The following LDLRAD4 variants were observed in gnomAD, a reference collection of about 807,000 sequenced individuals.
LDLRAD4 encodes low density lipoprotein receptor class A domain containing 4.
LDLRAD4 carries 5 observed loss-of-function variants against 17.0 expected under a neutral mutation model. The ratio of observed to expected loss-of-function variants is 0.29; its 90% CI spans 0.15 to 0.62. The LOEUF (loss-of-function observed/expected upper bound fraction) is 0.62, where lower values mean the gene tolerates loss of function less well. Among genes scored for constraint, LDLRAD4 ranks in the 20% least tolerant of loss-of-function variants. LDLRAD4 has a pLI of 0.84. For synonymous variants in LDLRAD4, 168 were observed against 171.8 expected (o/e 0.98, Z 0.17); for missense variants, 340 against 424.7 (o/e 0.80, Z 1.75).
At chr18:13,271,893 CTTTTTT>C (rs753254188) in intron 1 of LDLRAD4, among the ~76,000 whole-genome samples, 10 of 79,020 alleles carry the variant, frequency 1.3e-4, no homozygotes, top group African/African-American at 4.8e-4. Flanking sequence ...CTGTTCAGTG[CTTTTTT>C]TTTTTTTTTT....
At chr18:13,463,535 T>C (rs1490292049) in intron 3 of LDLRAD4, among the ~76,000 whole-genome samples, 1 of 152,266 alleles carries the variant, frequency 6.6e-6, no homozygotes, top group Non-Finnish European at 1.5e-5. Context: ...TCCCAAATTG[T>C]CATTTTTTTG....
intron 2 of LDLRAD4, chr18:13,419,949 G>A (rs7235364): frequency 0.9 from 137,445 of 152,202 alleles, 63,158 homozygotes; most frequent in Non-Finnish European, 0.99. Flanking sequence ...GTGAGGAGAG[G>A]ACCTCGGCAC....
At position 13,645,814 on chromosome 18, in the gene LDLRAD4, T is replaced by A; in HGVS notation, c.*157T>A. On this transcript the variant is annotated 3_prime_UTR_variant, in exon 6 of 6. Coordinates refer to ENST00000359446, the Ensembl canonical transcript of LDLRAD4. The surrounding 1 kb of genome is among the most constrained non-coding windows in gnomAD (Gnocchi z 5.7). ...TTGTTTCTGATTCCTTTTAGGGGAA[T>A]TGCATGCAAACTAGACTGAAATGAT... 2.0e-6 allele frequency: 1 copy of A among 502,184 alleles called. No homozygotes were observed. The highest frequency in any genetic ancestry group is 3.3e-6 in the Non-Finnish European group (1 of 301,494). The allele number at this position is 502,184 out of a possible 1,614,324, so 31.1% of individuals were successfully genotyped here.
At chr18:13,387,489 C>A (rs994010570) in exon 2 of LDLRAD4, 4 of 470,444 alleles carry the variant, frequency 8.5e-6, no homozygotes, top group Non-Finnish European at 3.8e-6. Context: ...CCATGGCCTC[C>A]GCGCCCTGGC....
chr18:13,364,493 A>G (rs2083912758), intron 1 of LDLRAD4, among the ~76,000 whole-genome samples: 2 of 152,078 alleles, frequency 1.3e-5, no homozygotes, highest in African/African-American at 2.4e-5. Flanking sequence ...ATGTGCCACC[A>G]CACCTGGCTT....
chr18:13,265,237 C>T (rs2044149675), intron 1 of LDLRAD4, among the ~76,000 whole-genome samples: 1 of 152,188 alleles, frequency 6.6e-6, no homozygotes, highest in Admixed American at 6.5e-5. Flanking sequence ...TCCTTCCCTG[C>T]GCCTTCCAAA....
chr18:13,301,996 C>G (rs2046633017), intron 1 of LDLRAD4, among the ~76,000 whole-genome samples: 1 of 152,212 alleles, frequency 6.6e-6, no homozygotes, highest in Admixed American at 6.5e-5. Context: ...ACTCTCTCCC[C>G]CTCCCAGATA....
chr18:13,405,771 G>A (rs1285328503), intron 2 of LDLRAD4, among the ~76,000 whole-genome samples: 2 of 152,162 alleles, frequency 1.3e-5, no homozygotes, highest in East Asian at 3.9e-4. Flanking sequence ...ATTGGAATTG[G>A]AAGCGCTTCA....
intron 3 of LDLRAD4, among the ~76,000 whole-genome samples, chr18:13,581,722 G>A (rs1237595987): frequency 6.6e-6 from 1 of 152,092 alleles, no homozygotes; most frequent in African/African-American, 2.4e-5. Context: ...GCCTGTCTTG[G>A]TGGGCATGTA....
intron 3 of LDLRAD4, among the ~76,000 whole-genome samples, chr18:13,542,098 T>C (rs1760681398): frequency 1.3e-5 from 2 of 152,284 alleles, no homozygotes; most frequent in Admixed American, 6.5e-5. Flanking sequence ...AAGGTCACTC[T>C]CTACTCAAGT....
intron 3 of LDLRAD4, among the ~76,000 whole-genome samples, chr18:13,517,271 G>A (rs1262320738): frequency 2.0e-5 from 3 of 152,234 alleles, no homozygotes; most frequent in Non-Finnish European, 4.4e-5. Flanking sequence ...CCACTACCCA[G>A]TTCCAGCAGA....
chr18:13,540,467 T>TTC (rs1555733235), intron 3 of LDLRAD4, among the ~76,000 whole-genome samples: 8,731 of 152,120 alleles, frequency 0.057, 843 homozygotes, highest in African/African-American at 0.2. Flanking sequence ...ATAACCTTTT[T>TTC]TTCTTCTTCT....
chr18:13,409,925 A>G (rs2088159979), intron 2 of LDLRAD4, among the ~76,000 whole-genome samples: 1 of 152,196 alleles, frequency 6.6e-6, no homozygotes, highest in Admixed American at 6.5e-5. Context: ...AGTGAAGGAA[A>G]CTGGCAAACA....
intron 2 of LDLRAD4, among the ~76,000 whole-genome samples, chr18:13,395,096 T>C (rs992356449): frequency 1.3e-5 from 2 of 152,182 alleles, no homozygotes; most frequent in African/African-American, 2.4e-5. Flanking sequence ...GTTCCTGCTC[T>C]GTGACACTGA....
chr18:13,473,445 T>A (rs1049148399), intron 3 of LDLRAD4, among the ~76,000 whole-genome samples: 10 of 151,830 alleles, frequency 6.6e-5, no homozygotes. Context: ...TGAGGCAGGA[T>A]GATAGCTTAA....
At chr18:13,550,532 G>T (rs9967136) in intron 3 of LDLRAD4, among the ~76,000 whole-genome samples, 232 of 152,348 alleles carry the variant, frequency 1.5e-3, no homozygotes, top group African/African-American at 5.4e-3. Flanking sequence ...AACACATGCT[G>T]TGAGAATGAG....
chr18:13,458,525 G>A (rs774492918), intron 3 of LDLRAD4, among the ~76,000 whole-genome samples: 5 of 152,216 alleles, frequency 3.3e-5, no homozygotes, highest in Non-Finnish European at 5.9e-5. Context: ...AACATTCACT[G>A]CTTTGTTTTG....
At chr18:13,247,192 C>A in intron 1 of LDLRAD4, among the ~76,000 whole-genome samples, 1 of 152,180 alleles carries the variant, frequency 6.6e-6, no homozygotes, top group East Asian at 1.9e-4. Context: ...GTATGCCTCC[C>A]CTTTCTGTCA....
In LDLRAD4 at chr18:13,367,486, G is replaced by C. The variant is rs2084143291; in HGVS notation, c.-382-19855G>C. 6.6e-6 allele frequency among the ~76,000 whole-genome samples: 1 copy of C among 152,172 alleles called. No homozygotes were observed. Among genetic ancestry groups the C allele is most frequent in the Non-Finnish European group, 1.5e-5 (1 of 68,032 alleles). ...TTTTGGAGGTGCACTGTATGCTCAG[G>C]AAGGATTCAGTGCACACCAGGCAGC... On this transcript the variant is annotated intron_variant, in intron 1 of 5. Transcript: ENST00000359446. The surrounding 1 kb of genome is among the most constrained non-coding windows in gnomAD (Gnocchi z 4.1).
Sources: allele counts gnomAD v4.1 joint callset (sites outside exome capture counted in the v4.1 genomes callset), GRCh38; gene constraint gnomAD v4.1.1; non-coding constraint Gnocchi (gnomAD v3.1); transcripts MANE v1.5; gene names NCBI Gene and HGNC (gene_info 2026-07-23, HGNC 2026-07-21).